SRGAP2: variants seen among roughly 807,000 people sequenced by gnomAD.
The protein encoded by SRGAP2 is SLIT-ROBO Rho GTPase-activating protein 2.
SRGAP2 carries 15 observed loss-of-function variants against 57.2 expected under a neutral mutation model. That is an observed-to-expected ratio of 0.26 (90% CI 0.18 to 0.40). The LOEUF (loss-of-function observed/expected upper bound fraction) is 0.40, where lower values mean the gene tolerates loss of function less well. Among genes scored for constraint, SRGAP2 ranks in the 10% least tolerant of loss-of-function variants. SRGAP2 has a pLI of 1.00. For missense variants in SRGAP2, 520 were observed against 669.6 expected (o/e 0.78, Z 2.47); for synonymous variants, 249 against 248.0 (o/e 1.00, Z -0.04).
intron 4 of SRGAP2, among the ~76,000 whole-genome samples, chr1:206,375,731 G>T (rs1380926260): frequency 7.2e-5 from 11 of 152,106 alleles, no homozygotes; most frequent in South Asian, 6.2e-4. Context: ...TCCCGAGTAT[G>T]CCTGTCCCTG....
rs1275753504 is a variant in SRGAP2, at chr1:206,269,148, G to A, written c.68-34133G>A. 1.8e-3 allele frequency among the ~76,000 whole-genome samples: 273 copies of A among 149,154 alleles called. 3 individuals are homozygous for A. The highest frequency in any genetic ancestry group is 3.0e-3 in the Non-Finnish European group (204 of 67,602). On this transcript the variant is annotated intron_variant, in intron 2 of 22. Transcript: ENST00000573034. ...GTGGAATACTACGTATATAATGAGAGTATGAATATGAATTTTACAAAACAA... is the reference window on the plus strand; with the variant it reads ...GTGGAATACTACGTATATAATGAGAATATGAATATGAATTTTACAAAACAA...
intron 4 of SRGAP2, among the ~76,000 whole-genome samples, chr1:206,348,051 T>C (rs1371348221): frequency 6.8e-6 from 1 of 148,096 alleles, no homozygotes; most frequent in Non-Finnish European, 1.5e-5. Flanking sequence ...CTCTATGCTA[T>C]TGAACCCCCT....
intron 2 of SRGAP2, among the ~76,000 whole-genome samples, chr1:206,248,145 G>A (rs1479988133): frequency 1.3e-5 from 2 of 151,960 alleles, no homozygotes; most frequent in Admixed American, 1.3e-4. Context: ...TTCTCGTATA[G>A]GAATAGTATA....
chr1:206,440,000 C>T lies in SRGAP2; in HGVS notation c.1793C>T (p.Ala598Val). 2 of 780,862 alleles carry T rather than the reference C, an allele frequency of 2.6e-6. No individual in the cohort carries two copies. The highest frequency in any genetic ancestry group is 4.8e-6 in the Non-Finnish European group (2 of 417,968). 48.4% of individuals were successfully genotyped at this position (780,862 alleles called of 1,614,324 possible). ...GCAATGGACAACCTGCAGGAGAGAG[C>T]TCTGCACATCCGGAAAGTCCTCCTA... ...CVTMDNLQER[A>V]LHIRKVLLVL... The change falls in exon 17 of 23, where the codon GCT (alanine) becomes GTT (valine). Residue 598 changes from alanine to valine, a missense_variant. By Grantham distance (64) the Ala-to-Val change is moderately conservative (BLOSUM62 0). Coordinates refer to ENST00000573034, the MANE Select transcript of SRGAP2 (RefSeq NM_015326.5).
intron 2 of SRGAP2, among the ~76,000 whole-genome samples, chr1:206,245,176 C>T (rs1370324355): frequency 2.2e-5 from 3 of 137,478 alleles, no homozygotes; most frequent in Non-Finnish European, 3.1e-5. Flanking sequence ...GCCCTGGAGA[C>T]CTGGCTTGGA....
At chr1:206,295,569 T>G (rs1671544495) in intron 2 of SRGAP2, among the ~76,000 whole-genome samples, 1 of 151,048 alleles carries the variant, frequency 6.6e-6, no homozygotes, top group African/African-American at 2.4e-5. Context: ...GAAGCCTGAC[T>G]ATAGTAATGG....
intron 2 of SRGAP2, among the ~76,000 whole-genome samples, chr1:206,292,226 C>T (rs1363674580): frequency 4.6e-5 from 7 of 152,200 alleles, no homozygotes; most frequent in African/African-American, 1.7e-4. Context: ...TCGTCAATTT[C>T]TATCTCCTGT....
intron 3 of SRGAP2, among the ~76,000 whole-genome samples, chr1:206,313,055 C>CT (rs1208152224): frequency 1.1e-4 from 16 of 146,080 alleles, no homozygotes; most frequent in South Asian, 4.4e-4. Context: ...TTTTAGGTAG[C>CT]TTTTTTTTTT....
In SRGAP2 at chr1:206,226,019, G is replaced by A. The variant is rs1317358177; in HGVS notation, c.67+19982G>A. Among the ~76,000 whole-genome samples, 5 of 150,746 alleles carry A rather than the reference G, an allele frequency of 3.3e-5. No homozygotes were observed. The East Asian group carries it at 9.8e-4, about 30-fold the overall frequency. On this transcript the variant is annotated intron_variant, in intron 2 of 22. Transcript: ENST00000573034. ...CAGCCTGGGGAGTGTGGGAGAGGCT[G>A]AGTTCAGCAAAACATGACTAGGTGG...
intron 3 of SRGAP2, among the ~76,000 whole-genome samples, chr1:206,321,963 T>A (rs1553327738): frequency 1.3e-5 from 2 of 152,042 alleles, no homozygotes; most frequent in Non-Finnish European, 2.9e-5. Context: ...ATATGCTCTT[T>A]GTAACTGAAG....
intron 4 of SRGAP2, among the ~76,000 whole-genome samples, chr1:206,353,209 T>C (rs1291586387): frequency 3.3e-5 from 5 of 152,260 alleles, no homozygotes; most frequent in Admixed American, 2.6e-4. Flanking sequence ...TATTTTTTTC[T>C]GTCCCATCTC....
chr1:206,383,325 C>T (rs1398390655), intron 4 of SRGAP2, among the ~76,000 whole-genome samples: 1 of 151,320 alleles, frequency 6.6e-6, no homozygotes, highest in Non-Finnish European at 1.5e-5. Flanking sequence ...GTGCCCAGCC[C>T]TCATTCTTTA....
intron 3 of SRGAP2, among the ~76,000 whole-genome samples, chr1:206,339,784 CT>C (rs1675044565): frequency 6.7e-6 from 1 of 150,148 alleles, no homozygotes; most frequent in African/African-American, 2.5e-5. Flanking sequence ...CTTGCAAGTT[CT>C]TTTTTCTTTT....
intron 4 of SRGAP2, among the ~76,000 whole-genome samples, chr1:206,378,458 G>T (rs1655411382): frequency 1.3e-5 from 2 of 152,088 alleles, no homozygotes; most frequent in South Asian, 4.1e-4. Flanking sequence ...CTGCATTCTA[G>T]CCTGGGCAAT....
chr1:206,268,378 G>T (rs1571726122), intron 2 of SRGAP2, among the ~76,000 whole-genome samples: 1 of 149,068 alleles, frequency 6.7e-6, no homozygotes, highest in Non-Finnish European at 1.5e-5. Context: ...CAGAATGATG[G>T]TTTCATCCAT....
intron 2 of SRGAP2, among the ~76,000 whole-genome samples, chr1:206,234,660 GC>G (rs1667823452): frequency 2.0e-5 from 3 of 152,188 alleles, no homozygotes; most frequent in African/African-American, 4.8e-5. Flanking sequence ...AGACACAGTA[GC>G]AGGAACAGAG....
Position 206,359,837 on chromosome 1 carries a change from C to T in SRGAP2, c.423+16829C>T, listed in dbSNP as rs868913291. Among the ~76,000 whole-genome samples the T allele has an allele frequency of 4.0e-5, 4 of 100,418 alleles. No homozygotes were observed. The Admixed American group carries it at 4.4e-4, about 11-fold the overall frequency. The allele number at this position is 100,418 out of a possible 152,430, so 65.9% of individuals were successfully genotyped here. A position where few individuals can be genotyped will look rare whatever the true frequency, so the allele number is the denominator to read the frequency against. ...TTTTTTTTTTTTTGAGACGGAGTCT[C>T]GCTCTGTCGCCCAGGCTGGAGTGCA... On this transcript the variant is annotated intron_variant, in intron 4 of 22. Coordinates refer to ENST00000573034, the MANE Select transcript of SRGAP2 (RefSeq NM_015326.5).
Position 206,412,643 on chromosome 1 carries a change from CG to C in SRGAP2, c.1357-3245del, listed in dbSNP as rs1349370911. Among the ~76,000 whole-genome samples, 864 of 152,272 alleles carry C rather than the reference CG, an allele frequency of 5.7e-3. 9 individuals carry two copies. Among genetic ancestry groups the C allele is most frequent in the African/African-American group, 0.02 (812 of 41,534 alleles). ...TATAAGCAGCCCTTTTCCTGGCCCC[CG>C]TGATCTCCAGAAGTCATTAAAAGCC... On this transcript the variant is annotated intron_variant, in intron 10 of 22. Coordinates refer to ENST00000573034, the MANE Select transcript of SRGAP2 (RefSeq NM_015326.5).
At position 206,458,683 on chromosome 1, in the gene SRGAP2, G is replaced by T. The variant is rs1553379308; in HGVS notation, c.2568G>T (p.Gly856=). The T allele has an allele frequency of 1.3e-6, 1 of 778,806 alleles. No homozygotes were observed. The highest frequency in any genetic ancestry group is 1.7e-5 in the Admixed American group (1 of 58,764). The allele number at this position is 778,806 out of a possible 1,614,324, so 48.2% of individuals were successfully genotyped here. A position where few individuals can be genotyped will look rare whatever the true frequency, so the allele number is the denominator to read the frequency against. ...IRKTFRSDSH[G]LSSSLTDSSS... ...AAACTTTTCGGAGTGACAGCCATGG[G>T]CTGAGCAGTTCCCTGACTGACTCCT... is the stretch of plus-strand genomic sequence containing the variant. The change falls in exon 22 of 23, where the codon GGG becomes GGT. Residue 856 remains glycine (G), a synonymous_variant. Coordinates refer to ENST00000573034, the MANE Select transcript of SRGAP2 (RefSeq NM_015326.5).
Sources: gnomAD v4.1 joint callset for allele counts (sites outside exome capture counted in the v4.1 genomes callset) on GRCh38, gnomAD v4.1.1 for gene constraint, MANE v1.5 for transcripts, NCBI Gene and HGNC (gene_info 2026-07-23, HGNC 2026-07-21) for gene names.